Variants in KCNC2 observed in about 807,000 individuals in gnomAD.
KCNC2 encodes voltage-gated potassium channel KCNC2.
In KCNC2, 21 loss-of-function variants were observed where a neutral mutation model predicts 44.5. The ratio of observed to expected loss-of-function variants is 0.47; its 90% CI spans 0.33 to 0.68. The LOEUF is 0.68. Among genes scored for constraint, KCNC2 ranks in the 30% least tolerant of loss-of-function variants. KCNC2 has a pLI of 0.01. For missense variants in KCNC2, 589 were observed against 826.2 expected, an observed-to-expected ratio of 0.71 and a Z score of 3.52; for synonymous variants, 391 against 339.1, an observed-to-expected ratio of 1.15 and a Z score of -1.68.
intron 2 of KCNC2, among the ~76,000 whole-genome samples, chr12:75,059,743 G>T (rs1014043228): frequency 1.8e-4 from 27 of 151,856 alleles, no homozygotes; most frequent in Admixed American, 5.9e-4. Context: ...TGCTTTACTA[G>T]ATTATAAAAT....
chr12:75,208,511 G>A (rs1593105837), intron 1 of KCNC2, among the ~76,000 whole-genome samples: 1 of 151,600 alleles, frequency 6.6e-6, no homozygotes, highest in Non-Finnish European at 1.5e-5. Context: ...CCCTAGCTTG[G>A]ATGCAATTCT....
At chr12:75,159,195 C>T (rs1890960487) in intron 2 of KCNC2, among the ~76,000 whole-genome samples, 1 of 151,638 alleles carries the variant, frequency 6.6e-6, no homozygotes, top group Non-Finnish European at 1.5e-5. Flanking sequence ...GGGCAGCAAA[C>T]CACCACGGCA....
Position 75,043,081 on chromosome 12 carries a change from A to C in KCNC2, c.*24T>G. On this transcript the variant is annotated 3_prime_UTR_variant, in exon 5 of 5. Transcript: ENST00000549446. ...CACTTGAATTAATACAATTTAGCCG[A>C]CTGATGCAGTTTGGTTGTTTGGTTT... The C allele has an allele frequency of 1.9e-6, 3 of 1,609,972 alleles. No homozygotes were observed. Among genetic ancestry groups the C allele is most frequent in the Non-Finnish European group, 2.5e-6 (3 of 1,178,024 alleles).
In KCNC2 at chr12:75,041,580, C is replaced by G; in HGVS notation, c.*1525G>C. 1.9e-6 allele frequency: 2 copies of G among 1,059,930 alleles called. No homozygotes were observed. Among genetic ancestry groups the G allele is most frequent in the Non-Finnish European group, 2.3e-6 (2 of 873,018 alleles). The allele number at this position is 1,059,930 out of a possible 1,614,324, so 65.7% of individuals were successfully genotyped here. On this transcript the variant is annotated 3_prime_UTR_variant, in exon 5 of 5. Coordinates refer to ENST00000549446, the MANE Select transcript of KCNC2 (RefSeq NM_139137.4). Reference sequence around the variant, plus strand: ...TCCCTCACATGCTCAATACATGAGACACGCTATTGCTGTTGAATTCATAGG... The same window carrying G: ...TCCCTCACATGCTCAATACATGAGAGACGCTATTGCTGTTGAATTCATAGG...
chr12:75,148,222 A>G (rs147301737), intron 2 of KCNC2, among the ~76,000 whole-genome samples: 33 of 152,226 alleles, frequency 2.2e-4, no homozygotes, highest in Non-Finnish European at 3.4e-4. Context: ...AAAGTATACA[A>G]TCTATGATTC....
At chr12:75,129,683 T>G (rs966689545) in intron 2 of KCNC2, among the ~76,000 whole-genome samples, 1 of 152,164 alleles carries the variant, frequency 6.6e-6, no homozygotes, top group African/African-American at 2.4e-5. Context: ...TTCTGAAATC[T>G]CTTTCATGAT....
At chr12:75,206,648 T>C (rs1245844543) in intron 2 of KCNC2, among the ~76,000 whole-genome samples, 1 of 152,230 alleles carries the variant, frequency 6.6e-6, no homozygotes, top group Non-Finnish European at 1.5e-5. Context: ...ATTCTGTGTG[T>C]AAGTGGGCTC....
At chr12:75,077,525 C>A (rs181743664) in intron 2 of KCNC2, among the ~76,000 whole-genome samples, 20 of 152,256 alleles carry the variant, frequency 1.3e-4, no homozygotes, top group African/African-American at 4.8e-4. Flanking sequence ...CAAATCATTT[C>A]TTGGCATTAC....
chr12:75,181,155 A>G (rs2960468), intron 2 of KCNC2, among the ~76,000 whole-genome samples: 152,250 of 152,250 alleles, frequency 1, 76,125 homozygotes, highest in Non-Finnish European at 1. Context: ...AAACTAAAAG[A>G]TCAATTCATT....
At chr12:75,136,304 C>T (rs1461766663) in intron 2 of KCNC2, among the ~76,000 whole-genome samples, 1 of 151,516 alleles carries the variant, frequency 6.6e-6, no homozygotes, top group Non-Finnish European at 1.5e-5. Context: ...CAACCTAAAC[C>T]CAAAGCTAGT....
rs201721348 is a variant in KCNC2 at position 75,207,398 on chromosome 12, C to A, written c.586G>T (p.Ala196Ser). The A allele has an allele frequency of 6.3e-7, 1 of 1,590,868 alleles. No individual in the cohort carries two copies. The highest frequency in any genetic ancestry group is 2.3e-5 in the East Asian group (1 of 43,694). ...AAKRLGIEDA[A>S]GLGGPDGKSG... ...TTGCCGTCGGGGCCCCCGAGCCCCGCCGCGTCCTCGATGCCCAGCCTCTTG... is the reference window on the plus strand; with the variant it reads ...TTGCCGTCGGGGCCCCCGAGCCCCGACGCGTCCTCGATGCCCAGCCTCTTG... Residue 196 changes from alanine to serine, a missense_variant, in exon 2 of 5, where the codon GCG becomes TCG. Around this residue, in one of 7 missense-constraint regions of KCNC2, gnomAD observed 97 missense variants for 73.3 expected, o/e 1.32. Transcript: ENST00000549446. This position sits in a 1 kb window ranked among gnomAD's most constrained non-coding sequence, Gnocchi z 4.1.
intron 2 of KCNC2, among the ~76,000 whole-genome samples, chr12:75,089,547 A>G (rs932648597): frequency 2.6e-5 from 4 of 151,896 alleles, no homozygotes; most frequent in Non-Finnish European, 5.9e-5. Flanking sequence ...ATATTGTTTT[A>G]TCTACATGTT....
intron 2 of KCNC2, among the ~76,000 whole-genome samples, chr12:75,184,213 G>A (rs1892785550): frequency 6.6e-6 from 1 of 150,912 alleles, no homozygotes; most frequent in Non-Finnish European, 1.5e-5. Context: ...TAGTCTCTGT[G>A]TGGCGTCATT....
chr12:75,186,288 T>C (rs2137678227), intron 2 of KCNC2, among the ~76,000 whole-genome samples: 1 of 152,166 alleles, frequency 6.6e-6, no homozygotes, highest in African/African-American at 2.4e-5. Flanking sequence ...ATCTTGTGCC[T>C]CTGCACACCA....
chr12:75,042,643 T>C lies in KCNC2; in HGVS notation c.*462A>G. ...ACTCTGCAACATTGCTTTCAGGTGA[T>C]AGAGACAAGATGGTCCATGCAAATG... On this transcript the variant is annotated 3_prime_UTR_variant, in exon 5 of 5. Transcript: ENST00000549446. The C allele has an allele frequency of 1.6e-6, 2 of 1,237,740 alleles. No homozygotes were observed. Among genetic ancestry groups the C allele is most frequent in the Non-Finnish European group, 2.0e-6 (2 of 987,484 alleles). 76.7% of individuals were successfully genotyped at this position (1,237,740 alleles called of 1,614,324 possible).
chr12:75,064,794 A>G (rs577585066), intron 2 of KCNC2, among the ~76,000 whole-genome samples: 19 of 152,170 alleles, frequency 1.2e-4, no homozygotes, highest in Middle Eastern at 3.4e-3. Flanking sequence ...AAATTTGATC[A>G]GAAAATATTT....
At chr12:75,187,774 A>T (rs1392414436) in intron 2 of KCNC2, among the ~76,000 whole-genome samples, 4 of 152,268 alleles carry the variant, frequency 2.6e-5, no homozygotes, top group Non-Finnish European at 4.4e-5. Flanking sequence ...GAAAATTATG[A>T]GAACCCAAAT....
At chr12:75,054,333 C>T (rs1043963350) in intron 2 of KCNC2, among the ~76,000 whole-genome samples, 2 of 150,200 alleles carry the variant, frequency 1.3e-5, no homozygotes, top group Admixed American at 1.3e-4. Flanking sequence ...TCTTAGGATT[C>T]TAAGACAGAA....
chr12:75,059,262 C>T lies in KCNC2; in HGVS notation c.688-7945G>A, dbSNP rs75535430. 7.7e-3 allele frequency among the ~76,000 whole-genome samples: 1,177 copies of T among 152,242 alleles called. 4 individuals carry two copies. The highest frequency in any genetic ancestry group is 0.013 in the Non-Finnish European group (863 of 68,006). ...TGCCTTAACAAGTTAACTATATCAACTGCTTTCACATCATGGTCTAGGGAC... is the reference window on the plus strand; with the variant it reads ...TGCCTTAACAAGTTAACTATATCAATTGCTTTCACATCATGGTCTAGGGAC... On this transcript the variant is annotated intron_variant, in intron 2 of 4. Transcript: ENST00000549446.
Sources: gnomAD v4.1 joint callset for allele counts (sites outside exome capture counted in the v4.1 genomes callset) on GRCh38, gnomAD v4.1.1 for gene constraint, gnomAD v4.1.1 regional missense constraint, Gnocchi (gnomAD v3.1) non-coding constraint, MANE v1.5 for transcripts, NCBI Gene and HGNC (gene_info 2026-07-23, HGNC 2026-07-21) for gene names.